NEURL1: variants seen among roughly 807,000 people sequenced by gnomAD.
The protein encoded by NEURL1 is neuralized E3 ubiquitin protein ligase 1, also known as E3 ubiquitin-protein ligase NEURL1.
A neutral mutation model predicts 41.2 loss-of-function variants in NEURL1; 26 were observed. The observed-to-expected ratio is 0.63, with a 90% confidence interval of 0.46 to 0.87. The LOEUF is 0.87. Ranked by LOEUF, NEURL1 falls within the 40% of genes least tolerant of loss-of-function variation. The pLI is 0.00. For synonymous variants in NEURL1, 400 were observed against 402.3 expected (o/e 0.99, Z 0.07); for missense variants, 761 against 871.1 (o/e 0.87, Z 1.59).
At chr10:103,540,114 C>T (rs1450877102) in intron 1 of NEURL1, among the ~76,000 whole-genome samples, 1 of 152,162 alleles carries the variant, frequency 6.6e-6, no homozygotes, top group Non-Finnish European at 1.5e-5. Flanking sequence ...AATGTTATTT[C>T]TGTTTTTTAT....
chr10:103,528,534 CAA>C (rs199861549), intron 1 of NEURL1, among the ~76,000 whole-genome samples: 13 of 67,750 alleles, frequency 1.9e-4, no homozygotes, highest in Admixed American at 4.7e-4. Flanking sequence ...GACTCCGTCT[CAA>C]AAAAAAAAAA....
At chr10:103,571,875 G>C in intron 3 of NEURL1, 53 bp downstream of exon 3, 1 of 1,504,804 alleles carries the variant, frequency 6.6e-7, no homozygotes, top group African/African-American at 1.4e-5. Context: ...CTCAGCCTCT[G>C]GGCACTGCAG....
Position 103,545,046 on chromosome 10 carries a change from C to T in NEURL1, c.86-25826C>T, listed in dbSNP as rs538941449. ...GAAGTAATCCCGAAGAGGGAGGTGTCGGGGGACAGGAGCCTGAGAGAAGTT... is the reference window on the plus strand; with the variant it reads ...GAAGTAATCCCGAAGAGGGAGGTGTTGGGGGACAGGAGCCTGAGAGAAGTT... On this transcript the variant is annotated intron_variant, in intron 1 of 5. Coordinates refer to ENST00000369780, the MANE Select transcript of NEURL1 (RefSeq NM_004210.5). This position sits in a 1 kb window ranked among gnomAD's most constrained non-coding sequence, Gnocchi z 4.5. Among the ~76,000 whole-genome samples the T allele has an allele frequency of 3.9e-5, 6 of 152,134 alleles. No individual in the cohort carries two copies. The highest frequency in any genetic ancestry group is 6.5e-5 in the Admixed American group (1 of 15,280).
In NEURL1 at chr10:103,583,408, C is replaced by T. The variant is rs2035824910; in HGVS notation, c.650-1128C>T. On this transcript the variant is annotated intron_variant, in intron 3 of 5. Coordinates refer to ENST00000369780, the MANE Select transcript of NEURL1 (RefSeq NM_004210.5). ...CAAGTGATGTTTATATAGCATGACT[C>T]AATTTTTGCACTAAAAAAAGTAACC... Among the ~76,000 whole-genome samples the T allele has an allele frequency of 1.3e-5, 2 of 151,972 alleles. 1 individual carries two copies. The highest frequency in any genetic ancestry group is 1.3e-4 in the Admixed American group (2 of 15,262).
chr10:103,534,550 C>A (rs2034651244), intron 1 of NEURL1, among the ~76,000 whole-genome samples: 1 of 152,120 alleles, frequency 6.6e-6, no homozygotes, highest in Admixed American at 6.5e-5. Context: ...ACTGTGAGCA[C>A]CCCCGTGGCC....
At position 103,571,124 on chromosome 10, in the gene NEURL1, C is replaced by T. The variant is rs769520388; in HGVS notation, c.327+11C>T. On this transcript the variant is annotated intron_variant, in intron 2 of 5. Transcript: ENST00000369780. ...CAAGTCAGGCTGAAGGTGGGCCTGC[C>T]CCCTGCCCCCGCCCCCGCCTCCTGC... 2 of 1,610,380 alleles carry T rather than the reference C, an allele frequency of 1.2e-6. No individual in the cohort carries two copies. Among genetic ancestry groups the T allele is most frequent in the Admixed American group, 1.7e-5 (1 of 59,974 alleles).
chr10:103,509,503 A>G (rs957338087), intron 1 of NEURL1, among the ~76,000 whole-genome samples: 1 of 152,208 alleles, frequency 6.6e-6, no homozygotes, highest in Non-Finnish European at 1.5e-5. Flanking sequence ...GCACCTAACC[A>G]TAGAAAAGGT....
At chr10:103,546,361 C>T (rs1360722267) in intron 1 of NEURL1, among the ~76,000 whole-genome samples, 1 of 152,230 alleles carries the variant, frequency 6.6e-6, no homozygotes, top group Non-Finnish European at 1.5e-5. Context: ...TTTCCACCTC[C>T]TTGAGCCTCT....
Position 103,558,979 on chromosome 10 carries a change from C to T in NEURL1, c.86-11893C>T, listed in dbSNP as rs1054001676. Among the ~76,000 whole-genome samples, 3 of 152,086 alleles carry T rather than the reference C, an allele frequency of 2.0e-5. No homozygotes were observed. Among genetic ancestry groups the T allele is most frequent in the Non-Finnish European group, 2.9e-5 (2 of 67,998 alleles). On this transcript the variant is annotated intron_variant, in intron 1 of 5. Transcript: ENST00000369780. The surrounding 1 kb of genome is among the most constrained non-coding windows in gnomAD (Gnocchi z 4.2). ...CAGAGGATGCTGGCGTACAGGGACCCGAGACATTGGCTCCCACCCCCTCCT... is the reference window on the plus strand; with the variant it reads ...CAGAGGATGCTGGCGTACAGGGACCTGAGACATTGGCTCCCACCCCCTCCT...
Position 103,529,967 on chromosome 10 carries a change from T to C in NEURL1, c.85+35495T>C, listed in dbSNP as rs572452799. Among the ~76,000 whole-genome samples the C allele has an allele frequency of 1.9e-3, 296 of 152,254 alleles. 4 individuals carry two copies. The highest frequency in any genetic ancestry group is 3.5e-3 in the East Asian group (18 of 5,182). ...GTCCACAGAGTAAAGTGAAAGCAAG[T>C]CTATTAGAGAAGTAAAGAAACAAAA... On this transcript the variant is annotated intron_variant, in intron 1 of 5. Transcript: ENST00000369780.
intron 1 of NEURL1, among the ~76,000 whole-genome samples, chr10:103,563,171 C>T (rs1451203896): frequency 2.0e-5 from 3 of 152,180 alleles, no homozygotes; most frequent in Admixed American, 2.0e-4. Flanking sequence ...CGATCATTTC[C>T]TGCAGTAGTT....
At chr10:103,554,871 T>C (rs1405704673) in intron 1 of NEURL1, among the ~76,000 whole-genome samples, 2 of 152,142 alleles carry the variant, frequency 1.3e-5, no homozygotes, top group African/African-American at 2.4e-5. Flanking sequence ...GACCTCTGCA[T>C]GTAGTAGGTG....
In NEURL1 at chr10:103,590,354, G is replaced by A; in HGVS notation, c.1707G>A (p.Lys569=). The change falls in exon 6 of 6, where the codon AAG becomes AAA. Residue 569 remains lysine (K), a synonymous_variant. Coordinates refer to ENST00000369780, the MANE Select transcript of NEURL1 (RefSeq NM_004210.5). ...ICRRPIKDII[K]TYRSS is the part of the protein sequence containing the mutation. ...GCCGCCCCATCAAGGACATCATCAA[G>A]ACCTACCGCAGCTCCTAGCCCGTTG... 1 of 1,614,022 alleles carries A rather than the reference G, an allele frequency of 6.2e-7. No individual in the cohort carries two copies. Among genetic ancestry groups the A allele is most frequent in the Non-Finnish European group, 8.5e-7 (1 of 1,179,972 alleles).
chr10:103,499,748 G>A (rs2033776504), intron 1 of NEURL1, among the ~76,000 whole-genome samples: 2 of 151,968 alleles, frequency 1.3e-5, no homozygotes, highest in South Asian at 4.1e-4. Context: ...GGGCCACTGT[G>A]CTCAGCCTCT....
intron 1 of NEURL1, among the ~76,000 whole-genome samples, chr10:103,553,163 G>A (rs2035070166): frequency 1.3e-5 from 2 of 152,152 alleles, no homozygotes; most frequent in African/African-American, 2.4e-5. Context: ...TCTTCTTTTG[G>A]CCTCAATTTC....
At chr10:103,495,027 C>T (rs1324603921) in intron 1 of NEURL1, among the ~76,000 whole-genome samples, 1 of 152,160 alleles carries the variant, frequency 6.6e-6, no homozygotes, top group Non-Finnish European at 1.5e-5. Flanking sequence ...TTCTGGTTTT[C>T]CCAAAGACCA....
intron 1 of NEURL1, among the ~76,000 whole-genome samples, chr10:103,534,496 T>G (rs1238582370): frequency 6.6e-6 from 1 of 152,192 alleles, no homozygotes; most frequent in Non-Finnish European, 1.5e-5. Context: ...TGCAATGGTA[T>G]AGTCTCTATG....
In NEURL1 at chr10:103,590,621, C is replaced by T; in HGVS notation, c.*249C>T. ...CGCACTCTCCCTGTCTCTCCCGTCT[C>T]TGCACCCAGCTCCTCTCTGCATGCT... On this transcript the variant is annotated 3_prime_UTR_variant, in exon 6 of 6. Transcript: ENST00000369780. 1.8e-6 allele frequency: 1 copy of T among 548,570 alleles called. No individual in the cohort carries two copies. The allele number at this position is 548,570 out of a possible 1,614,324, so 34.0% of individuals were successfully genotyped here.
intron 4 of NEURL1, among the ~76,000 whole-genome samples, chr10:103,587,516 A>T (rs2035947211): frequency 6.6e-6 from 1 of 152,248 alleles, no homozygotes; most frequent in African/African-American, 2.4e-5. Flanking sequence ...ATCCTGACTG[A>T]CTTCAAAAGA....
Sources: gnomAD v4.1 joint callset for allele counts (sites outside exome capture counted in the v4.1 genomes callset) on GRCh38, gnomAD v4.1.1 for gene constraint, Gnocchi (gnomAD v3.1) non-coding constraint, MANE v1.5 for transcripts, NCBI Gene and HGNC (gene_info 2026-07-23, HGNC 2026-07-21) for gene names.